Variants in DLGAP1 observed in about 807,000 individuals in gnomAD.
DLGAP1 encodes the protein DLG associated protein 1, also known as disks large-associated protein 1.
Under a neutral mutation model 90.8 loss-of-function variants are expected in DLGAP1, and 11 were observed. The ratio of observed to expected loss-of-function variants is 0.12; its 90% CI spans 0.08 to 0.20. The LOEUF (loss-of-function observed/expected upper bound fraction) is 0.20. Ranked by LOEUF, DLGAP1 falls within the 10% of genes least tolerant of loss-of-function variation. The pLI is 1.00. For missense variants in DLGAP1, 1,050 were observed against 1,333.8 expected, an observed-to-expected ratio of 0.79 and a Z score of 3.31; for synonymous variants, 558 against 540.7, an observed-to-expected ratio of 1.03 and a Z score of -0.44.
At chr18:3,507,789 A>G (rs559825004) in intron 11 of DLGAP1, among the ~76,000 whole-genome samples, 9 of 128,924 alleles carry the variant, frequency 7.0e-5, no homozygotes, top group African/African-American at 2.4e-4. Context: ...CCCCCAAACT[A>G]GAGTGCAATG....
intron 1 of DLGAP1, among the ~76,000 whole-genome samples, chr18:4,400,867 C>A (rs2082540192): frequency 6.6e-6 from 1 of 152,130 alleles, no homozygotes. Context: ...TAGAACAATC[C>A]ACTTTGGCTT....
At chr18:3,554,291 T>G (rs1344122950) in intron 9 of DLGAP1, among the ~76,000 whole-genome samples, 1 of 152,220 alleles carries the variant, frequency 6.6e-6, no homozygotes, top group African/African-American at 2.4e-5. Flanking sequence ...CCTGCTTTAC[T>G]TAGGATCAGT....
intron 1 of DLGAP1, among the ~76,000 whole-genome samples, chr18:4,289,573 G>A (rs767637559): frequency 7.2e-5 from 11 of 152,156 alleles, no homozygotes; most frequent in Non-Finnish European, 1.3e-4. Flanking sequence ...GTTCTTCATG[G>A]AGATTTTCAA....
chr18:4,400,167 G>A (rs1281577159), intron 1 of DLGAP1, among the ~76,000 whole-genome samples: 2 of 152,078 alleles, frequency 1.3e-5, no homozygotes, highest in Non-Finnish European at 2.9e-5. Context: ...GCACGCCCCT[G>A]AGCATCTGCC....
At chr18:3,846,223 G>C (rs1021522793) in intron 4 of DLGAP1, among the ~76,000 whole-genome samples, 1 of 152,110 alleles carries the variant, frequency 6.6e-6, no homozygotes, top group Non-Finnish European at 1.5e-5. Flanking sequence ...TCACTTTTAG[G>C]TTATCAATAG....
At chr18:3,663,686 C>T (rs1203883217) in intron 7 of DLGAP1, among the ~76,000 whole-genome samples, 1 of 152,194 alleles carries the variant, frequency 6.6e-6, no homozygotes, top group East Asian at 1.9e-4. Context: ...CATATTGCTA[C>T]TGATCAGGAG....
intron 7 of DLGAP1, among the ~76,000 whole-genome samples, chr18:3,692,480 A>G (rs1398007184): frequency 6.6e-6 from 1 of 152,174 alleles, no homozygotes; most frequent in East Asian, 1.9e-4. Context: ...ACAATGGCCT[A>G]CCTTCACTCC....
intron 2 of DLGAP1, among the ~76,000 whole-genome samples, chr18:4,056,245 G>A (rs1202265829): frequency 6.6e-6 from 1 of 152,182 alleles, no homozygotes; most frequent in East Asian, 1.9e-4. Flanking sequence ...ACTGCAAGGT[G>A]TTTCTAAGAA....
intron 3 of DLGAP1, among the ~76,000 whole-genome samples, chr18:3,946,955 T>A (rs1224088677): frequency 6.6e-6 from 1 of 152,218 alleles, no homozygotes; most frequent in South Asian, 2.1e-4. Flanking sequence ...AAGTTCTTGA[T>A]ATTTTAGGGG....
chr18:4,061,025 T>C (rs4564683), intron 2 of DLGAP1, among the ~76,000 whole-genome samples: 54,550 of 152,018 alleles, frequency 0.36, 10,208 homozygotes, highest in East Asian at 0.52. Context: ...TGGGGACATA[T>C]AAAGCTAGCC....
chr18:4,336,021 T>A (rs1278143314), intron 1 of DLGAP1, among the ~76,000 whole-genome samples: 1 of 152,204 alleles, frequency 6.6e-6, no homozygotes, highest in Admixed American at 6.5e-5. Context: ...AAATACAAGC[T>A]TCAGTTTATC....
intron 1 of DLGAP1, among the ~76,000 whole-genome samples, chr18:4,351,634 T>C (rs2081404428): frequency 6.6e-6 from 1 of 152,176 alleles, no homozygotes; most frequent in African/African-American, 2.4e-5. Context: ...GCATTTCTGC[T>C]TCAGTTTCTT....
At chr18:4,253,308 T>C (rs1784433610) in intron 1 of DLGAP1, among the ~76,000 whole-genome samples, 1 of 152,176 alleles carries the variant, frequency 6.6e-6, no homozygotes, top group African/African-American at 2.4e-5. Context: ...GGGTTATGAT[T>C]TACCCAAAAG....
At chr18:4,427,415 G>C (rs1448671795) in intron 1 of DLGAP1, among the ~76,000 whole-genome samples, 1 of 152,198 alleles carries the variant, frequency 6.6e-6, no homozygotes, top group Non-Finnish European at 1.5e-5. Flanking sequence ...ACCAGCATTA[G>C]TAAAACAGAA....
intron 3 of DLGAP1, among the ~76,000 whole-genome samples, chr18:3,959,296 G>A (rs754104462): frequency 6.6e-6 from 1 of 151,950 alleles, no homozygotes; most frequent in Non-Finnish European, 1.5e-5. Flanking sequence ...TACCTGAAAC[G>A]TCTACACTCT....
intron 1 of DLGAP1, among the ~76,000 whole-genome samples, chr18:4,224,841 T>G (rs1286150995): frequency 6.6e-6 from 1 of 152,122 alleles, no homozygotes; most frequent in Non-Finnish European, 1.5e-5. Flanking sequence ...CCCTAAGGCC[T>G]TGAGAAAACA....
chr18:3,872,191 G>T (rs2070786459), intron 4 of DLGAP1, among the ~76,000 whole-genome samples: 1 of 144,156 alleles, frequency 6.9e-6, no homozygotes, highest in Non-Finnish European at 1.5e-5. Flanking sequence ...AATCAGAAGA[G>T]GTCTTTCTTT....
At chr18:4,264,761 G>A (rs1196039766) in intron 1 of DLGAP1, 3 of 152,174 alleles carry the variant, frequency 2.0e-5, no homozygotes, top group African/African-American at 2.4e-5. Context: ...AATGGAAACC[G>A]AGGTTTTTAA....
At chr18:4,022,271 ATTTACTTTGGT>A (rs2074623675) in intron 2 of DLGAP1, among the ~76,000 whole-genome samples, 2 of 151,502 alleles carry the variant, frequency 1.3e-5, no homozygotes, top group African/African-American at 4.8e-5. Context: ...ATTTTGTTTC[ATTTACTTTGGT>A]TTTACTTTGT....
Sources: allele counts gnomAD v4.1 joint callset (sites outside exome capture counted in the v4.1 genomes callset), GRCh38; gene constraint gnomAD v4.1.1; transcripts MANE v1.5; gene names NCBI Gene and HGNC (gene_info 2026-07-23, HGNC 2026-07-21).